DCDC2C: variants seen among roughly 807,000 people sequenced by gnomAD.
DCDC2C encodes doublecortin domain containing 2C, also known as doublecortin domain-containing protein 2C.
Under a neutral mutation model 45.0 loss-of-function variants are expected in DCDC2C, and 44 were observed. The observed-to-expected ratio is 0.98, with a 90% confidence interval of 0.77 to 1.26. The LOEUF (loss-of-function observed/expected upper bound fraction) is 1.26, where lower values mean the gene tolerates loss of function less well. DCDC2C is among the 50% of genes most tolerant of loss of function. DCDC2C has a pLI of 0.00. For missense variants in DCDC2C, 447 were observed against 468.9 expected (o/e 0.95, Z 0.43); for synonymous variants, 187 against 178.8 (o/e 1.05, Z -0.37).
rs1388000555 is a variant in DCDC2C at position 3,761,088 on chromosome 2, T to TTA, written c.726+6459_726+6460dup. On this transcript the variant is annotated intron_variant, in intron 6 of 10. Coordinates refer to ENST00000399143, the MANE Select transcript of DCDC2C (RefSeq NM_001287444.2). This position sits in a 1 kb window ranked among gnomAD's most constrained non-coding sequence, Gnocchi z 4.3. ...AAGTAATTGAATGAAGCTACTCTCATTATATAGCATTCAGTTTTACGGGAA... is the reference window on the plus strand; with the variant it reads ...AAGTAATTGAATGAAGCTACTCTCATTATATATAGCATTCAGTTTTACGGGAA... Among the ~76,000 whole-genome samples, 2 of 152,240 alleles carry TTA rather than the reference T, an allele frequency of 1.3e-5. No individual in the cohort carries two copies. The highest frequency in any genetic ancestry group is 2.9e-5 in the Non-Finnish European group (2 of 68,036).
intron 4 of DCDC2C, among the ~76,000 whole-genome samples, chr2:3,751,367 G>C (rs948906857): frequency 6.6e-6 from 1 of 152,248 alleles, no homozygotes; most frequent in Non-Finnish European, 1.5e-5. Context: ...AGAATTCCAA[G>C]CATTGGGTTT....
At chr2:3,797,567 GT>G (rs1328208672) in intron 10 of DCDC2C, among the ~76,000 whole-genome samples, 1 of 142,182 alleles carries the variant, frequency 7.0e-6, no homozygotes, top group Non-Finnish European at 1.5e-5. Flanking sequence ...CTGGTATGTT[GT>G]GTCTTTGTTC....
At chr2:3,751,804 C>G (rs1380392332) in intron 4 of DCDC2C, among the ~76,000 whole-genome samples, 3 of 152,208 alleles carry the variant, frequency 2.0e-5, no homozygotes, top group Non-Finnish European at 4.4e-5. Flanking sequence ...TCAGTCACAT[C>G]CTGGCCACAG....
intron 3 of DCDC2C, among the ~76,000 whole-genome samples, chr2:3,731,580 C>T (rs1668868669): frequency 6.6e-6 from 1 of 152,106 alleles, no homozygotes; most frequent in South Asian, 2.1e-4. Context: ...CCTTTTAGTC[C>T]TGTTTAACCA....
At chr2:3,757,266 T>A (rs1330230959) in intron 6 of DCDC2C, among the ~76,000 whole-genome samples, 1 of 152,188 alleles carries the variant, frequency 6.6e-6, no homozygotes, top group Non-Finnish European at 1.5e-5. Flanking sequence ...CTATGTGAAT[T>A]GCCACAACAT....
chr2:3,717,921 C>T (rs189146339), intron 2 of DCDC2C, among the ~76,000 whole-genome samples: 50 of 152,358 alleles, frequency 3.3e-4, no homozygotes, highest in Admixed American at 1.4e-3. Context: ...CTCAATCTAA[C>T]GGCCTCTTCC....
intron 4 of DCDC2C, among the ~76,000 whole-genome samples, chr2:3,743,228 C>A (rs904692471): frequency 6.6e-6 from 1 of 151,982 alleles, no homozygotes; most frequent in Admixed American, 6.6e-5. Context: ...ATATATGCAA[C>A]TGTCACTGGA....
intron 2 of DCDC2C, chr2:3,726,157 T>C (rs1027866459): frequency 6.6e-6 from 1 of 152,488 alleles, no homozygotes; most frequent in Non-Finnish European, 1.5e-5. Flanking sequence ...CCCAAGCTTC[T>C]TATCCTGGTG....
chr2:3,750,743 A>G (rs577170790), intron 4 of DCDC2C, among the ~76,000 whole-genome samples: 1 of 151,982 alleles, frequency 6.6e-6, no homozygotes, highest in South Asian at 2.1e-4. Flanking sequence ...GGACTCTTTT[A>G]CCTGTGGCTT....
chr2:3,771,133 C>T (rs781202250), intron 8 of DCDC2C, among the ~76,000 whole-genome samples: 6 of 152,246 alleles, frequency 3.9e-5, no homozygotes, highest in African/African-American at 1.4e-4. Flanking sequence ...CTAGGTCATC[C>T]GTCCTCCCTC....
intron 10 of DCDC2C, among the ~76,000 whole-genome samples, chr2:3,835,783 A>C (rs930337548): frequency 1.3e-5 from 2 of 152,022 alleles, no homozygotes; most frequent in African/African-American, 4.8e-5. Flanking sequence ...TGACTCTGTC[A>C]CCCAGGCTGG....
At chr2:3,797,497 G>C (rs1166602216) in intron 10 of DCDC2C, among the ~76,000 whole-genome samples, 8 of 147,906 alleles carry the variant, frequency 5.4e-5, no homozygotes, top group Non-Finnish European at 1.2e-4. Flanking sequence ...GCTTTCTCTT[G>C]TGGGCATTTA....
At chr2:3,814,478 G>A (rs1042625127) in intron 10 of DCDC2C, among the ~76,000 whole-genome samples, 19 of 152,118 alleles carry the variant, frequency 1.2e-4, no homozygotes, top group African/African-American at 4.6e-4. Flanking sequence ...GCTCAGTGTA[G>A]TTTTTTATTA....
chr2:3,711,291 G>A (rs1668201603), intron 2 of DCDC2C, among the ~76,000 whole-genome samples: 2 of 152,116 alleles, frequency 1.3e-5, no homozygotes, highest in Admixed American at 1.3e-4. Flanking sequence ...CCGTTACTGG[G>A]TATATACCCA....
intron 10 of DCDC2C, among the ~76,000 whole-genome samples, chr2:3,828,502 A>G (rs931489801): frequency 1.3e-5 from 2 of 152,184 alleles, no homozygotes; most frequent in Non-Finnish European, 1.5e-5. Flanking sequence ...ACCCAACAGC[A>G]TCATAGTCCA....
intron 1 of DCDC2C, among the ~76,000 whole-genome samples, chr2:3,706,931 C>T (rs1668078230): frequency 6.6e-6 from 1 of 152,242 alleles, no homozygotes; most frequent in Non-Finnish European, 1.5e-5. Flanking sequence ...AGGCTGGCTT[C>T]ACATCCACTC....
intron 8 of DCDC2C, among the ~76,000 whole-genome samples, chr2:3,774,623 G>A (rs927127283): frequency 6.6e-5 from 10 of 152,304 alleles, no homozygotes; most frequent in South Asian, 2.1e-4. Context: ...AAGCTGCCGC[G>A]TGTCTATGCC....
chr2:3,749,957 T>A (rs1669491376), intron 4 of DCDC2C, among the ~76,000 whole-genome samples: 1 of 152,108 alleles, frequency 6.6e-6, no homozygotes, highest in East Asian at 1.9e-4. Context: ...TTCGGGTGCA[T>A]TTTTTACAGT....
chr2:3,755,140 T>G (rs966377782), intron 6 of DCDC2C, among the ~76,000 whole-genome samples: 2 of 152,018 alleles, frequency 1.3e-5, no homozygotes, highest in African/African-American at 4.8e-5. Flanking sequence ...TGGAGGCATG[T>G]GTGTGTATGT....
Sources: allele counts gnomAD v4.1 joint callset (sites outside exome capture counted in the v4.1 genomes callset), GRCh38; gene constraint gnomAD v4.1.1; non-coding constraint Gnocchi (gnomAD v3.1); transcripts MANE v1.5; gene names NCBI Gene and HGNC (gene_info 2026-07-23, HGNC 2026-07-21).